Variants in METTL15 observed in about 807,000 individuals in gnomAD.
METTL15 encodes the protein 12S rRNA N(4)-cytidine methyltransferase METTL15.
METTL15 carries 34 observed loss-of-function variants against 38.3 expected under a neutral mutation model. The observed-to-expected ratio is 0.89, with a 90% CI of 0.68 to 1.18. The LOEUF is 1.18. Among genes scored for constraint, METTL15 ranks in the 50% most tolerant of loss-of-function variants. The pLI is 0.00. For missense variants in METTL15, 438 were observed against 498.4 expected (o/e 0.88, Z 1.15); for synonymous variants, 162 against 170.9 (o/e 0.95, Z 0.41).
intron 4 of METTL15, among the ~76,000 whole-genome samples, chr11:28,238,185 T>A (rs959516470): frequency 6.6e-6 from 1 of 152,160 alleles, no homozygotes; most frequent in Non-Finnish European, 1.5e-5. Context: ...TGTCTTTTTG[T>A]TTGTCTGTGC....
chr11:28,200,661 C>G (rs1041135808), intron 3 of METTL15, among the ~76,000 whole-genome samples: 1 of 151,928 alleles, frequency 6.6e-6, no homozygotes, highest in African/African-American at 2.4e-5. Context: ...ATTTTATTCT[C>G]TTTGTAGTGA....
intron 6 of METTL15, among the ~76,000 whole-genome samples, chr11:28,434,960 C>A (rs1390933120): frequency 1.3e-5 from 2 of 152,188 alleles, no homozygotes; most frequent in Non-Finnish European, 2.9e-5. Context: ...CAAGCTTCTG[C>A]TGGTTTCAAG....
intron 4 of METTL15, among the ~76,000 whole-genome samples, chr11:28,217,289 G>C (rs905304900): frequency 3.9e-5 from 6 of 152,110 alleles, no homozygotes; most frequent in African/African-American, 1.4e-4. Context: ...TTGTGGTTTT[G>C]ATTTGCATTT....
At chr11:28,255,570 A>G (rs1854937798) in intron 4 of METTL15, among the ~76,000 whole-genome samples, 2 of 152,156 alleles carry the variant, frequency 1.3e-5, no homozygotes, top group Admixed American at 6.5e-5. Context: ...TCAGTATGAT[A>G]TTAGCTGTGG....
chr11:28,185,633 A>C (rs1851466177), intron 3 of METTL15, among the ~76,000 whole-genome samples: 1 of 151,376 alleles, frequency 6.6e-6, no homozygotes, highest in Non-Finnish European at 1.5e-5. Context: ...TAGAAGTAAA[A>C]TAATGGATTG....
chr11:28,298,839 G>C (rs940325267), intron 6 of METTL15, among the ~76,000 whole-genome samples: 10 of 151,804 alleles, frequency 6.6e-5, no homozygotes, highest in Non-Finnish European at 8.8e-5. Context: ...TTTTAGAAAA[G>C]GGAAAAACAA....
At chr11:28,480,975 T>C (rs1851390391) in intron 6 of METTL15, among the ~76,000 whole-genome samples, 1 of 152,178 alleles carries the variant, frequency 6.6e-6, no homozygotes, top group African/African-American at 2.4e-5. Flanking sequence ...AAGGTTTACC[T>C]GATCAAGAAG....
intron 6 of METTL15, among the ~76,000 whole-genome samples, chr11:28,442,515 T>C (rs531540912): frequency 1.1e-4 from 17 of 152,308 alleles, no homozygotes; most frequent in African/African-American, 4.1e-4. Context: ...ATACACAGAA[T>C]TTAGCCAACT....
chr11:28,390,704 C>A (rs1316559198), intron 5 of METTL15, among the ~76,000 whole-genome samples: 1 of 152,148 alleles, frequency 6.6e-6, no homozygotes, highest in South Asian at 2.1e-4. Context: ...ATTGACTTGG[C>A]AATGCGGACT....
intron 5 of METTL15, among the ~76,000 whole-genome samples, chr11:28,406,688 C>T (rs777314376): frequency 6.6e-6 from 1 of 152,072 alleles, no homozygotes; most frequent in Non-Finnish European, 1.5e-5. Flanking sequence ...CTTTCTCTTG[C>T]GTGATTGCCC....
intron 3 of METTL15, among the ~76,000 whole-genome samples, chr11:28,180,607 G>A (rs1397075979): frequency 6.6e-6 from 1 of 151,586 alleles, no homozygotes; most frequent in Non-Finnish European, 1.5e-5. Context: ...CCTTTTCTTT[G>A]TACTTCTCTT....
At chr11:28,144,283 T>C (rs1349275407) in intron 3 of METTL15, among the ~76,000 whole-genome samples, 1 of 152,150 alleles carries the variant, frequency 6.6e-6, no homozygotes, top group Non-Finnish European at 1.5e-5. Context: ...ATAGCTGTAC[T>C]CCAGGTTCTT....
At chr11:28,304,891 A>C (rs7131303) in intron 6 of METTL15, among the ~76,000 whole-genome samples, 1,914 of 152,272 alleles carry the variant, frequency 0.013, 38 homozygotes, top group African/African-American at 0.044. Flanking sequence ...TGCTGTGATT[A>C]AGAAATGGAA....
At chr11:28,442,905 A>G (rs1298880029) in intron 6 of METTL15, among the ~76,000 whole-genome samples, 1 of 152,222 alleles carries the variant, frequency 6.6e-6, no homozygotes, top group Non-Finnish European at 1.5e-5. Flanking sequence ...AATGTTCATT[A>G]TAGTAATATT....
chr11:28,173,009 C>T (rs761895230), intron 3 of METTL15, among the ~76,000 whole-genome samples: 25 of 151,906 alleles, frequency 1.6e-4, no homozygotes, highest in Admixed American at 9.8e-4. Flanking sequence ...AAAGACTTAA[C>T]GAAACTCTTA....
At chr11:28,446,614 A>C (rs540949074) in intron 6 of METTL15, among the ~76,000 whole-genome samples, 11 of 152,166 alleles carry the variant, frequency 7.2e-5, no homozygotes, top group Non-Finnish European at 1.3e-4. Flanking sequence ...TTATCATATC[A>C]ATAACTACAC....
At chr11:28,158,156 C>T in intron 3 of METTL15, among the ~76,000 whole-genome samples, 1 of 152,222 alleles carries the variant, frequency 6.6e-6, no homozygotes, top group East Asian at 1.9e-4. Context: ...ATTTGGGGAA[C>T]AGGTATGTGG....
At chr11:28,328,996 G>T (rs1849729046) in intron 6 of METTL15, among the ~76,000 whole-genome samples, 1 of 151,938 alleles carries the variant, frequency 6.6e-6, no homozygotes, top group Non-Finnish European at 1.5e-5. Flanking sequence ...TTCTTTTGTT[G>T]TTCACAATTT....
chr11:28,426,165 T>C (rs1385400159), intron 6 of METTL15, among the ~76,000 whole-genome samples: 1 of 152,152 alleles, frequency 6.6e-6, no homozygotes, highest in Non-Finnish European at 1.5e-5. Context: ...GTTCTCATAG[T>C]TCACCTCCCA....
Sources: allele counts gnomAD v4.1 joint callset (sites outside exome capture counted in the v4.1 genomes callset), GRCh38; gene constraint gnomAD v4.1.1; transcripts MANE v1.5; gene names NCBI Gene and HGNC (gene_info 2026-07-23, HGNC 2026-07-21).